DPYSL4: variants seen among roughly 807,000 people sequenced by gnomAD.
DPYSL4 encodes the protein dihydropyrimidinase-related protein 4.
DPYSL4 carries 43 observed loss-of-function variants against 63.4 expected under a neutral mutation model. The observed-to-expected ratio is 0.68, with a 90% confidence interval of 0.53 to 0.88. The LOEUF (loss-of-function observed/expected upper bound fraction) is 0.88. Among genes scored for constraint, DPYSL4 ranks in the 40% least tolerant of loss-of-function variants. The pLI is 0.00. For missense variants in DPYSL4, 733 were observed against 819.5 expected (o/e 0.89, Z 1.29); for synonymous variants, 353 against 331.7 (o/e 1.06, Z -0.70).
chr10:132,194,563 G>A (rs2061916731), intron 3 of DPYSL4, among the ~76,000 whole-genome samples: 1 of 152,202 alleles, frequency 6.6e-6, no homozygotes, highest in Admixed American at 6.5e-5. Flanking sequence ...AGTGCGATGT[G>A]GGAGTAGGGA....
At chr10:132,193,231 A>C (rs533920961) in intron 3 of DPYSL4, among the ~76,000 whole-genome samples, 1 of 152,234 alleles carries the variant, frequency 6.6e-6, no homozygotes, top group Non-Finnish European at 1.5e-5. Flanking sequence ...CGGAAGCTTC[A>C]TATCTGGAAG....
intron 3 of DPYSL4, 129 bp from the exon 4 acceptor site, chr10:132,194,716 G>A (rs2061919185): frequency 1.4e-5 from 16 of 1,174,922 alleles, no homozygotes; most frequent in Non-Finnish European, 1.5e-5. Context: ...GGGGCCGGTG[G>A]CCTCTGCTGT....
chr10:132,202,506 C>T, intron 11 of DPYSL4, 140 bp from the exon 12 acceptor site: 5 of 1,127,052 alleles, frequency 4.4e-6, no homozygotes, highest in Non-Finnish European at 6.2e-6. Flanking sequence ...CCCCTCAGTT[C>T]CAGCATCTTG....
intron 12 of DPYSL4, 119 bp from the exon 13 acceptor site, chr10:132,203,643 C>A: frequency 3.0e-6 from 3 of 1,002,932 alleles, no homozygotes; most frequent in Non-Finnish European, 4.3e-6. Context: ...ACTGGAGAGG[C>A]GCAGAGCAGG....
chr10:132,193,656 T>C (rs1312728481), intron 3 of DPYSL4, among the ~76,000 whole-genome samples: 1 of 152,208 alleles, frequency 6.6e-6, no homozygotes, highest in East Asian at 1.9e-4. Context: ...TGAACCTGGT[T>C]GTATGGTTTT....
rs575106349 is a variant in DPYSL4 at position 132,203,343 on chromosome 10, G to A, written c.1462-419G>A. On this transcript the variant is annotated intron_variant, in intron 12 of 13. Transcript: ENST00000338492. ...ACGCCACGCTTGCCCGGCATCATCC[G>A]TGTCTGACGGTGCAGCAGGTGTGGT... 2.3e-3 allele frequency among the ~76,000 whole-genome samples: 349 copies of A among 152,240 alleles called. 2 individuals are homozygous for A. Among genetic ancestry groups the A allele is most frequent in the African/African-American group, 8.0e-3 (332 of 41,530 alleles).
At chr10:132,192,990 G>C (rs527259281) in intron 3 of DPYSL4, 148 bp downstream of exon 3, 1 of 795,426 alleles carries the variant, frequency 1.3e-6, no homozygotes, top group Non-Finnish European at 1.9e-6. Context: ...AACCTGGAGT[G>C]CTTTTCTAAT....
chr10:132,200,348 T>C lies in DPYSL4; in HGVS notation c.812-8T>C. 1 of 1,612,878 alleles carries C rather than the reference T, an allele frequency of 6.2e-7. No individual in the cohort carries two copies. Among genetic ancestry groups the C allele is most frequent in the East Asian group, 2.2e-5 (1 of 44,864 alleles). On this transcript the variant is annotated splice_region_variant and splice_polypyrimidine_tract_variant and intron_variant, in intron 8 of 13. Coordinates refer to ENST00000338492, the MANE Select transcript of DPYSL4 (RefSeq NM_006426.3). Reference sequence around the variant, plus strand: ...GGTGGGGCACCTCTCATGGGCCTCGTGCTGCAGGGGTGGTCGTGTTTGGGG... The same window carrying C: ...GGTGGGGCACCTCTCATGGGCCTCGCGCTGCAGGGGTGGTCGTGTTTGGGG...
chr10:132,192,090 G>A (rs890496823), intron 2 of DPYSL4, among the ~76,000 whole-genome samples: 6 of 151,798 alleles, frequency 4.0e-5, no homozygotes, highest in African/African-American at 1.2e-4. Flanking sequence ...TGTACACACT[G>A]GTCACGTGGT....
At chr10:132,198,679 G>A (rs2061974910) in intron 7 of DPYSL4, among the ~76,000 whole-genome samples, 172 bp from the exon 8 acceptor site, 1 of 152,204 alleles carries the variant, frequency 6.6e-6, no homozygotes, top group South Asian at 2.1e-4. Flanking sequence ...TGTACCCGAG[G>A]CCCAGAAGGT....
intron 13 of DPYSL4, 45 bp downstream of exon 13, chr10:132,203,972 G>A: frequency 6.4e-7 from 1 of 1,561,390 alleles, no homozygotes; most frequent in Non-Finnish European, 8.7e-7. Context: ...GGCTCTGCCG[G>A]AGCATCCAGG....
At position 132,203,904 on chromosome 10, in the gene DPYSL4, A is replaced by G. The variant is rs1328437432; in HGVS notation, c.1604A>G (p.His535Arg). Residue 535 changes from histidine to arginine, a missense_variant, in exon 13 of 14, where the codon CAT becomes CGT. His to Arg is a conservative substitution (Grantham distance 29). Coordinates refer to ENST00000338492, the MANE Select transcript of DPYSL4 (RefSeq NM_006426.3). The stretch of plus-strand genomic sequence containing the variant: ...TCCGTCCCTCCTGTGCGCAACCTAC[A>G]TCAGTCGGGGTTCAGCCTATCTGGT... ...KISVPPVRNLHQSGFSLSGSQ... is the reference protein window; with the variant it reads ...KISVPPVRNLRQSGFSLSGSQ... 3.7e-6 allele frequency: 6 copies of G among 1,608,016 alleles called. No individual in the cohort carries two copies. Among genetic ancestry groups the G allele is most frequent in the Non-Finnish European group, 4.3e-6 (5 of 1,175,794 alleles).
chr10:132,196,056 T>C (rs1413281246), intron 4 of DPYSL4, among the ~76,000 whole-genome samples: 2 of 151,838 alleles, frequency 1.3e-5, no homozygotes, highest in Non-Finnish European at 2.9e-5. Flanking sequence ...TACAGGTTGC[T>C]ACCTGGAGGG....
intron 3 of DPYSL4, among the ~76,000 whole-genome samples, chr10:132,193,253 T>C (rs1040688036): frequency 4.6e-5 from 7 of 152,222 alleles, no homozygotes; most frequent in Admixed American, 1.3e-4. Flanking sequence ...TTCTTGCTCA[T>C]GTCAAGAAGA....
chr10:132,190,865 T>A lies in DPYSL4; in HGVS notation c.128+30T>A, dbSNP rs142769840. The A allele has an allele frequency of 8.7e-6, 14 of 1,606,808 alleles. No homozygotes were observed. In the East Asian group the frequency reaches 2.9e-4, roughly 33 times the overall value. On this transcript the variant is annotated intron_variant, in intron 2 of 13. Coordinates refer to ENST00000338492, the MANE Select transcript of DPYSL4 (RefSeq NM_006426.3). Reference sequence around the variant, plus strand: ...GTTTCCGCCGAAAATGAAAATACGTTCCCAGCTCGTGTGTACACGCTGGTC... The same window carrying A: ...GTTTCCGCCGAAAATGAAAATACGTACCCAGCTCGTGTGTACACGCTGGTC...
At chr10:132,202,592 G>T in intron 11 of DPYSL4, 54 bp from the exon 12 acceptor site, 16 of 1,598,452 alleles carry the variant, frequency 1.0e-5, no homozygotes, top group Non-Finnish European at 1.3e-5. Flanking sequence ...CAACGGGGAT[G>T]GGACTGTTGG....
intron 8 of DPYSL4, 64 bp from the exon 9 acceptor site, chr10:132,200,292 G>A: frequency 1.3e-6 from 2 of 1,592,274 alleles, no homozygotes; most frequent in Non-Finnish European, 1.7e-6. Flanking sequence ...AGCAGCAGCA[G>A]TTCTCGGGGC....
rs775699202 is a variant in DPYSL4, at chr10:132,202,707, G to A, written c.1343G>A (p.Ser448Asn). The A allele has an allele frequency of 3.4e-5, 55 of 1,613,390 alleles. 1 individual carries two copies. In the South Asian group the frequency reaches 5.9e-4, roughly 17 times the overall value. Residue 448 changes from serine to asparagine, a missense_variant, in exon 12 of 14, where the codon AGT (serine) becomes AAT (asparagine). Coordinates refer to ENST00000338492, the MANE Select transcript of DPYSL4 (RefSeq NM_006426.3). ...ECRGAPAVVI[S>N]QGRVALEDGK... Reference sequence around the variant, plus strand: ...CGGGGAGCGCCTGCCGTGGTCATAAGTCAGGGCCGAGTGGCGCTGGAGGAC... The same window carrying A: ...CGGGGAGCGCCTGCCGTGGTCATAAATCAGGGCCGAGTGGCGCTGGAGGAC...
chr10:132,199,812 C>T (rs1043202600), intron 8 of DPYSL4, among the ~76,000 whole-genome samples: 35 of 152,076 alleles, frequency 2.3e-4, no homozygotes, highest in African/African-American at 7.7e-4. Flanking sequence ...TGGGGGTCTG[C>T]AGGGGTGAGG....
Sources: gnomAD v4.1 joint callset for allele counts (sites outside exome capture counted in the v4.1 genomes callset) on GRCh38, gnomAD v4.1.1 for gene constraint, MANE v1.5 for transcripts, NCBI Gene and HGNC (gene_info 2026-07-23, HGNC 2026-07-21) for gene names.